Variants in STK3 observed in about 807,000 individuals in gnomAD.
STK3 encodes serine/threonine-protein kinase 3.
In STK3, 41 loss-of-function variants were observed where a neutral mutation model predicts 58.0. The observed-to-expected ratio is 0.71, with a 90% CI of 0.55 to 0.92. The LOEUF (loss-of-function observed/expected upper bound fraction) is 0.92, where lower values mean the gene tolerates loss of function less well. Ranked by LOEUF, STK3 falls within the 40% of genes least tolerant of loss-of-function variation. The pLI is 0.00. For missense variants in STK3, 479 were observed against 602.7 expected (o/e 0.79, Z 2.15); for synonymous variants, 170 against 191.0 (o/e 0.89, Z 0.91).
At chr8:98,766,512 G>C (rs1830959531) in intron 3 of STK3, among the ~76,000 whole-genome samples, 2 of 152,056 alleles carry the variant, frequency 1.3e-5, no homozygotes, top group Admixed American at 6.5e-5. Flanking sequence ...TGAACTCCTG[G>C]GCTCAAACAA....
At chr8:98,814,318 T>A (rs1276130814) in intron 1 of STK3, among the ~76,000 whole-genome samples, 8 of 151,734 alleles carry the variant, frequency 5.3e-5, no homozygotes, top group Non-Finnish European at 1.2e-4. Context: ...CCCAAAGTTC[T>A]GGGATTACAG....
At chr8:98,905,548 T>C (rs924911531) in intron 1 of STK3, 2 of 1,050,496 alleles carry the variant, frequency 1.9e-6, no homozygotes, top group African/African-American at 1.6e-5. Context: ...TTGTCTTCTA[T>C]GTGTACAAAG....
chr8:98,400,752 T>A (rs6468637), downstream of STK3, among the ~76,000 whole-genome samples: 1 of 152,162 alleles, frequency 6.6e-6, no homozygotes, highest in African/African-American at 2.4e-5. Flanking sequence ...TTGAAGTCTA[T>A]TTCAGTTAAT....
chr8:98,754,529 A>G (rs1051511674), intron 3 of STK3, among the ~76,000 whole-genome samples: 1 of 149,020 alleles, frequency 6.7e-6, no homozygotes, highest in African/African-American at 2.5e-5. Flanking sequence ...TTTTTTTCTG[A>G]AGCAGAATCT....
At chr8:98,627,148 C>A (rs1192433708) in intron 6 of STK3, among the ~76,000 whole-genome samples, 1 of 152,034 alleles carries the variant, frequency 6.6e-6, no homozygotes, top group Non-Finnish European at 1.5e-5. Flanking sequence ...GGAGGCCAAG[C>A]CCAGCAGATC....
chr8:98,884,111 C>T (rs1837895756), intron 1 of STK3, among the ~76,000 whole-genome samples: 2 of 152,154 alleles, frequency 1.3e-5, no homozygotes, highest in Non-Finnish European at 2.9e-5. Flanking sequence ...TGAGCCCTTA[C>T]CACCAAGACT....
intron 6 of STK3, among the ~76,000 whole-genome samples, chr8:98,699,790 G>A (rs1164157181): frequency 1.3e-5 from 2 of 152,208 alleles, no homozygotes; most frequent in Non-Finnish European, 2.9e-5. Context: ...GTGCCTCCCA[G>A]TTAGGCTGCT....
intron 8 of STK3, 95 bp from the exon 9 acceptor site, chr8:98,548,256 C>A: frequency 3.1e-6 from 3 of 959,566 alleles, no homozygotes; most frequent in Non-Finnish European, 4.2e-6. Flanking sequence ...AGTTTTAATA[C>A]TTATTAAAAA....
intron 6 of STK3, chr8:98,633,923 C>A: frequency 3.8e-6 from 1 of 262,746 alleles, no homozygotes; most frequent in South Asian, 6.8e-5. Flanking sequence ...AGCTGTACAA[C>A]TAGCTAGAAG....
chr8:98,887,456 G>C (rs1838033932), intron 1 of STK3, among the ~76,000 whole-genome samples: 1 of 152,012 alleles, frequency 6.6e-6, no homozygotes, highest in Admixed American at 6.6e-5. Flanking sequence ...TACTCAACCT[G>C]TATTTTTGCA....
intron 4 of STK3, among the ~76,000 whole-genome samples, chr8:98,717,607 T>A (rs148788106): frequency 0.024 from 3,666 of 152,314 alleles, 73 homozygotes; most frequent in Middle Eastern, 0.088. Flanking sequence ...GAAAATAGTA[T>A]GAAGATTCCT....
chr8:98,632,370 T>C (rs1321963241), intron 6 of STK3, among the ~76,000 whole-genome samples: 2 of 152,148 alleles, frequency 1.3e-5, no homozygotes, highest in Admixed American at 1.3e-4. Flanking sequence ...TAAAACTATA[T>C]AATTAAGCAC....
chr8:98,376,516 T>C (rs1429502754), intron 2 of STK3, among the ~76,000 whole-genome samples: 1 of 152,150 alleles, frequency 6.6e-6, no homozygotes, highest in East Asian at 1.9e-4. Context: ...ATAGATTTTT[T>C]CCTATGTTTC....
At chr8:98,862,796 A>AG (rs1439110490) in intron 3 of STK3, among the ~76,000 whole-genome samples, 1 of 152,250 alleles carries the variant, frequency 6.6e-6, no homozygotes. Context: ...GACCTATGTG[A>AG]GGCTCTTAGT....
intron 1 of STK3, among the ~76,000 whole-genome samples, chr8:98,893,516 G>GAAAA (rs1319147379): frequency 1.6e-5 from 2 of 123,158 alleles, no homozygotes; most frequent in East Asian, 4.3e-4. Context: ...AAGAAAGAAA[G>GAAAA]AAAGAAAGAA....
At chr8:98,730,691 GAAC>G (rs1421579904) in intron 4 of STK3, among the ~76,000 whole-genome samples, 1 of 111,104 alleles carries the variant, frequency 9.0e-6, no homozygotes, top group East Asian at 2.9e-4. Context: ...ACTCCAGCCT[GAAC>G]AACAGGGCAA....
chr8:98,778,947 G>T (rs1647089931), intron 1 of STK3: 1 of 151,884 alleles, frequency 6.6e-6, no homozygotes, highest in Non-Finnish European at 1.5e-5. Context: ...GAGTTAATGG[G>T]TGCAGCACAC....
At chr8:98,526,415 T>A in intron 10 of STK3, 1 of 161,538 alleles carries the variant, frequency 6.2e-6, no homozygotes, top group Non-Finnish European at 1.3e-5. Context: ...GTTTACTGAA[T>A]GTCAGAAGTA....
At chr8:98,631,114 A>G (rs1278816120) in intron 6 of STK3, among the ~76,000 whole-genome samples, 1 of 152,174 alleles carries the variant, frequency 6.6e-6, no homozygotes, top group Non-Finnish European at 1.5e-5. Flanking sequence ...ACCCTGGTTC[A>G]GGCCGCCATT....
Sources: allele counts gnomAD v4.1 joint callset (sites outside exome capture counted in the v4.1 genomes callset), GRCh38; gene constraint gnomAD v4.1.1; transcripts MANE v1.5; gene names NCBI Gene and HGNC (gene_info 2026-07-23, HGNC 2026-07-21).